PTPRK: variants seen among roughly 807,000 people sequenced by gnomAD.
PTPRK encodes protein tyrosine phosphatase receptor type K, also known as receptor-type tyrosine-protein phosphatase kappa.
PTPRK carries 75 observed loss-of-function variants against 178.0 expected under a neutral mutation model. The observed-to-expected ratio is 0.42, with a 90% CI of 0.35 to 0.51. The LOEUF (loss-of-function observed/expected upper bound fraction) is 0.51. PTPRK is among the 20% of genes least tolerant of loss of function. PTPRK has a pLI of 0.02. For missense variants in PTPRK, 1,441 were observed against 1,797.8 expected (o/e 0.80, Z 3.59); for synonymous variants, 637 against 620.6 (o/e 1.03, Z -0.39).
chr6:128,489,549 C>G (rs1346399718), intron 1 of PTPRK, among the ~76,000 whole-genome samples: 1 of 152,104 alleles, frequency 6.6e-6, no homozygotes, highest in Non-Finnish European at 1.5e-5. Flanking sequence ...ATATAACTCT[C>G]TTAGTCATAT....
intron 1 of PTPRK, among the ~76,000 whole-genome samples, chr6:128,451,140 T>A (rs1256537556): frequency 6.6e-6 from 1 of 152,228 alleles, no homozygotes; most frequent in African/African-American, 2.4e-5. Context: ...TTGACAGCTT[T>A]CCAACTCTTA....
intron 27 of PTPRK, among the ~76,000 whole-genome samples, chr6:127,975,924 C>T (rs1401928520): frequency 6.6e-6 from 1 of 152,074 alleles, no homozygotes; most frequent in Non-Finnish European, 1.5e-5. Flanking sequence ...CCCGCCTTGG[C>T]CTCCCAAAGT....
At chr6:128,376,181 C>T (rs1666780677) in intron 2 of PTPRK, among the ~76,000 whole-genome samples, 1 of 152,198 alleles carries the variant, frequency 6.6e-6, no homozygotes, top group Admixed American at 6.5e-5. Flanking sequence ...CCCACATTTC[C>T]CTTCCACACT....
At chr6:128,345,196 A>G (rs1315395996) in intron 2 of PTPRK, among the ~76,000 whole-genome samples, 27 of 152,174 alleles carry the variant, frequency 1.8e-4, no homozygotes, top group Admixed American at 1.3e-4. Flanking sequence ...ATTCATACAC[A>G]TACATCTGAG....
intron 6 of PTPRK, among the ~76,000 whole-genome samples, chr6:128,216,891 G>C (rs564494541): frequency 6.6e-6 from 1 of 151,930 alleles, no homozygotes; most frequent in African/African-American, 2.4e-5. Flanking sequence ...GACTTTTCTG[G>C]AAAAAAATGT....
chr6:128,128,612 C>T (rs1793743221), intron 7 of PTPRK, among the ~76,000 whole-genome samples: 1 of 152,168 alleles, frequency 6.6e-6, no homozygotes, highest in Non-Finnish European at 1.5e-5. Flanking sequence ...GGAGAAACCA[C>T]AAGAAAACTC....
chr6:128,435,046 C>CAGGAAGGAAGGAAGGA (rs759976402), intron 1 of PTPRK, among the ~76,000 whole-genome samples: 5 of 72,428 alleles, frequency 6.9e-5, no homozygotes, highest in South Asian at 5.0e-4. Context: ...GGCAGGAAGG[C>CAGGAAGGAAGGAAGGA]AGGAAGGAAG....
chr6:128,449,728 C>A (rs1192309648), intron 1 of PTPRK, among the ~76,000 whole-genome samples: 1 of 152,078 alleles, frequency 6.6e-6, no homozygotes, highest in African/African-American at 2.4e-5. Flanking sequence ...CTAACACATT[C>A]ACACTTACGC....
In PTPRK at chr6:128,519,764, A is replaced by G. The variant is rs975730796; in HGVS notation, c.100+495T>C. Among the ~76,000 whole-genome samples the G allele has an allele frequency of 2.6e-5, 4 of 152,212 alleles. No individual in the cohort carries two copies. Among genetic ancestry groups the G allele is most frequent in the African/African-American group, 9.6e-5 (4 of 41,458 alleles). ...CTCCGGGAGGGACGGGGAAGTAGTT[A>G]GACAATAGTCAGGGGAGGTTATTCC... On this transcript the variant is annotated intron_variant, in intron 1 of 29. Transcript: ENST00000368226. This position sits in a 1 kb window ranked among gnomAD's most constrained non-coding sequence, Gnocchi z 4.3.
intron 13 of PTPRK, among the ~76,000 whole-genome samples, chr6:128,016,162 G>A (rs760183992): frequency 9.2e-5 from 14 of 151,676 alleles, no homozygotes; most frequent in Non-Finnish European, 1.6e-4. Context: ...ACAAAAGACA[G>A]ATTAAGAAGA....
chr6:127,972,946 G>A, intron 29 of PTPRK, 76 bp downstream of exon 29: 1 of 1,434,824 alleles, frequency 7.0e-7, no homozygotes, highest in South Asian at 1.2e-5. Flanking sequence ...ATGTGTGTAT[G>A]AAGTCAAATC....
At chr6:128,224,073 T>G (rs531801615) in intron 5 of PTPRK, among the ~76,000 whole-genome samples, 1 of 152,308 alleles carries the variant, frequency 6.6e-6, no homozygotes, top group South Asian at 2.1e-4. Flanking sequence ...TTTCCTTTTA[T>G]AGGCTCTTTA....
At chr6:128,149,713 C>G (rs891561513) in intron 7 of PTPRK, among the ~76,000 whole-genome samples, 1 of 152,126 alleles carries the variant, frequency 6.6e-6, no homozygotes, top group African/African-American at 2.4e-5. Context: ...TAAATGGAAG[C>G]TGTATATAAT....
In PTPRK at chr6:128,083,841, T is replaced by C; in HGVS notation, c.1466-17A>G. ...GACCAGGCACTACAAAACACATGAA[T>C]TTTTTGTTATGAAAATGCTTACATT... On this transcript the variant is annotated splice_polypyrimidine_tract_variant and intron_variant, in intron 8 of 29. Transcript: ENST00000368226. 6.9e-7 allele frequency: 1 copy of C among 1,440,636 alleles called. No homozygotes were observed. The highest frequency in any genetic ancestry group is 9.4e-7 in the Non-Finnish European group (1 of 1,059,070). 89.2% of individuals were successfully genotyped at this position (1,440,636 alleles called of 1,614,324 possible).
chr6:128,234,716 A>AT (rs1175264975), intron 5 of PTPRK, among the ~76,000 whole-genome samples: 2 of 152,148 alleles, frequency 1.3e-5, no homozygotes, highest in Non-Finnish European at 2.9e-5. Flanking sequence ...TTGTCTATCT[A>AT]TTATCCTGTT....
intron 7 of PTPRK, among the ~76,000 whole-genome samples, chr6:128,151,666 G>A (rs1011150323): frequency 9.9e-5 from 15 of 151,918 alleles, no homozygotes; most frequent in Non-Finnish European, 1.5e-4. Flanking sequence ...CTTCTTTTAC[G>A]TTACACAAAG....
intron 3 of PTPRK, among the ~76,000 whole-genome samples, chr6:128,316,846 A>C (rs1316782402): frequency 6.6e-6 from 1 of 151,566 alleles, no homozygotes; most frequent in Admixed American, 6.6e-5. Context: ...CCTCCTGAGT[A>C]GCTGGGATTA....
At chr6:127,992,427 G>T (rs1776713460) in intron 19 of PTPRK, among the ~76,000 whole-genome samples, 1 of 151,634 alleles carries the variant, frequency 6.6e-6, no homozygotes, top group African/African-American at 2.4e-5. Flanking sequence ...TGTGTAACAA[G>T]GATCAAATCA....
intron 1 of PTPRK, among the ~76,000 whole-genome samples, chr6:128,401,061 C>G (rs141444259): frequency 6.6e-6 from 1 of 152,234 alleles, no homozygotes; most frequent in Non-Finnish European, 1.5e-5. Context: ...GTTCCTTGAC[C>G]TTTGGAGGAA....
Sources: gnomAD v4.1 joint callset for allele counts (sites outside exome capture counted in the v4.1 genomes callset) on GRCh38, gnomAD v4.1.1 for gene constraint, Gnocchi (gnomAD v3.1) non-coding constraint, MANE v1.5 for transcripts, NCBI Gene and HGNC (gene_info 2026-07-23, HGNC 2026-07-21) for gene names.